Variants in ADGRA2 observed in about 807,000 individuals in gnomAD.
The protein encoded by ADGRA2 is G-protein coupled receptor 124.
A neutral mutation model predicts 98.7 loss-of-function variants in ADGRA2; 61 were observed. The ratio of observed to expected loss-of-function variants is 0.62; its 90% CI spans 0.50 to 0.76. The LOEUF is 0.76. ADGRA2 is among the 30% of genes least tolerant of loss of function. The pLI is 0.00. For synonymous variants in ADGRA2, 858 were observed against 831.5 expected (o/e 1.03, Z -0.55); for missense variants, 1,712 against 1,860.0 (o/e 0.92, Z 1.46).
At position 37,842,389 on chromosome 8, in the gene ADGRA2, AC is replaced by A. The variant is rs2130073762; in HGVS notation, c.*35del. 7.0e-7 allele frequency: 1 copy of A among 1,438,334 alleles called. No individual in the cohort carries two copies. Among genetic ancestry groups the A allele is most frequent in the African/African-American group, 1.5e-5 (1 of 67,224 alleles). The allele number at this position is 1,438,334 out of a possible 1,614,324, so 89.1% of individuals were successfully genotyped here. On this transcript the variant is annotated 3_prime_UTR_variant, in exon 19 of 19. Coordinates refer to ENST00000412232, the MANE Select transcript of ADGRA2 (RefSeq NM_032777.10). ...GGGCGACGCGGTAGACGGGCTGGCC[AC>A]GCGGCTCGTTCCCCCGCTCCTCGGG...
intron 1 of ADGRA2, among the ~76,000 whole-genome samples, chr8:37,801,419 AG>A (rs1804500576): frequency 6.6e-6 from 1 of 152,168 alleles, no homozygotes; most frequent in Non-Finnish European, 1.5e-5. Flanking sequence ...GGCTTATGAC[AG>A]GGAGAACCTG....
At chr8:37,816,403 G>A (rs1312540487) in intron 2 of ADGRA2, among the ~76,000 whole-genome samples, 1 of 152,114 alleles carries the variant, frequency 6.6e-6, no homozygotes, top group Non-Finnish European at 1.5e-5. Flanking sequence ...GACTAACCTG[G>A]CCAACATGGT....
intron 1 of ADGRA2, among the ~76,000 whole-genome samples, chr8:37,809,605 C>A (rs1804769428): frequency 3.3e-5 from 5 of 152,200 alleles, no homozygotes; most frequent in Admixed American, 2.6e-4. Flanking sequence ...GATGAAAAGG[C>A]CTTTGCCTGG....
chr8:37,821,054 C>A (rs78661008), intron 2 of ADGRA2, among the ~76,000 whole-genome samples: 2,826 of 152,234 alleles, frequency 0.019, 88 homozygotes, highest in African/African-American at 0.064. Flanking sequence ...CCACCTTGCA[C>A]GTCTGTGCCC....
In ADGRA2 at chr8:37,839,843, A is replaced by G. The variant is rs116961535; in HGVS notation, c.2511+221A>G. Among the ~76,000 whole-genome samples, 268 of 152,234 alleles carry G rather than the reference A, an allele frequency of 1.8e-3. 6 individuals carry two copies. The East Asian group carries it at 0.023, about 13-fold the overall frequency. On this transcript the variant is annotated intron_variant, in intron 16 of 18. Coordinates refer to ENST00000412232, the MANE Select transcript of ADGRA2 (RefSeq NM_032777.10). ...AGAGAGAATGGGAGATGGGCTTCAA[A>G]GTGGAAATGGAGACGTGCAGTGGTG...
At chr8:37,813,294 A>G (rs1020483606) in intron 1 of ADGRA2, among the ~76,000 whole-genome samples, 2 of 152,176 alleles carry the variant, frequency 1.3e-5, no homozygotes, top group African/African-American at 4.8e-5. Flanking sequence ...CAGGCCCACC[A>G]GGGCCTGATG....
At chr8:37,819,830 C>G (rs1382141612) in intron 2 of ADGRA2, among the ~76,000 whole-genome samples, 1 of 152,112 alleles carries the variant, frequency 6.6e-6, no homozygotes, top group African/African-American at 2.4e-5. Context: ...GCCACCACAC[C>G]TGGCTAATTT....
At position 37,844,576 on chromosome 8, in the gene ADGRA2, A is replaced by T. The variant is rs140270719; in HGVS notation, c.*2221A>T. 1 of 1,613,876 alleles carries T rather than the reference A, an allele frequency of 6.2e-7. No homozygotes were observed. Among genetic ancestry groups the T allele is most frequent in the Non-Finnish European group, 8.5e-7 (1 of 1,180,002 alleles). On this transcript the variant is annotated 3_prime_UTR_variant, in exon 19 of 19. Transcript: ENST00000412232. ...CTAACTTCCTGAGGGGTACGCAAAT[A>T]CTGTTCTATTTCACTATCAGAAATG...
Position 37,841,177 on chromosome 8 carries a change from G to T in ADGRA2, c.2839G>T (p.Gly947Trp). The T allele has an allele frequency of 1.2e-6, 2 of 1,613,112 alleles. No homozygotes were observed. The highest frequency in any genetic ancestry group is 8.5e-7 in the Non-Finnish European group (1 of 1,180,018). ...LITWIYFLCA[G>W]LRLRGPLAQN... The stretch of plus-strand genomic sequence containing the variant: ...CACCTGGATCTATTTCCTGTGCGCC[G>T]GGCTACGCTTACGGGGTCCTCTGGC... Residue 947 changes from glycine (G) to tryptophan (W), a missense_variant, in exon 19 of 19, where the codon GGG becomes TGG. Transcript: ENST00000412232. The surrounding 1 kb of genome is among the most constrained non-coding windows in gnomAD (Gnocchi z 5.0).
In ADGRA2 at chr8:37,799,104, C is replaced by T. The variant is rs185265375; in HGVS notation, c.266+1570C>T. On this transcript the variant is annotated intron_variant, in intron 1 of 18. Coordinates refer to ENST00000412232, the MANE Select transcript of ADGRA2 (RefSeq NM_032777.10). ...AAGAATTCAGAGCTGAGGCCGGGTGCGGTGGCTCAGGCCTGTAATCCCAGC... is the reference window on the plus strand; with the variant it reads ...AAGAATTCAGAGCTGAGGCCGGGTGTGGTGGCTCAGGCCTGTAATCCCAGC... Among the ~76,000 whole-genome samples the T allele has an allele frequency of 2.4e-3, 359 of 152,250 alleles. 2 individuals carry two copies. Among genetic ancestry groups the T allele is most frequent in the Non-Finnish European group, 3.9e-3 (264 of 68,010 alleles).
rs543504978 is a variant in ADGRA2, at chr8:37,836,554, C to T, written c.2050+784C>T. On this transcript the variant is annotated intron_variant, in intron 13 of 18. Transcript: ENST00000412232. ...CCCTTTTGTCGTTCCATCTCTCCCC[C>T]GGGACCAGCGACCCCACACCTGCCT... Among the ~76,000 whole-genome samples the T allele has an allele frequency of 3.3e-5, 5 of 152,234 alleles. No individual in the cohort carries two copies. In the East Asian group the frequency reaches 7.7e-4, roughly 24 times the overall value.
rs771131105 is a variant in ADGRA2, at chr8:37,829,470, GT to G, written c.483-17del. ...GACACCCTAAGACCCCATCTCAGTT[GT>G]CCCCTGTTCCCTGCAGAAACATATC... On this transcript the variant is annotated splice_polypyrimidine_tract_variant and intron_variant, in intron 4 of 18. Coordinates refer to ENST00000412232, the MANE Select transcript of ADGRA2 (RefSeq NM_032777.10). 2.2e-5 allele frequency: 35 copies of G among 1,608,190 alleles called. No homozygotes were observed. Among genetic ancestry groups the G allele is most frequent in the Admixed American group, 1.8e-4 (11 of 59,996 alleles).
Position 37,833,967 on chromosome 8 carries a change from C to A in ADGRA2, c.1447C>A (p.Leu483Met). ...CTCAGCAACTTCCCTGTCCCCCCAG[C>A]TGGTAGAGGTGATGGTGGACATGGC... ...FLGYVDQIKELVEVMVDMASN... is the reference protein window; with the variant it reads ...FLGYVDQIKEMVEVMVDMASN... Residue 483 changes from leucine (L) to methionine (M), a missense_variant and splice_region_variant, in exon 11 of 19, where the codon CTG (leucine) becomes ATG (methionine). Physicochemically the swap from Leu to Met is conservative, Grantham distance 15. Coordinates refer to ENST00000412232, the MANE Select transcript of ADGRA2 (RefSeq NM_032777.10). 1 of 1,611,078 alleles carries A rather than the reference C, an allele frequency of 6.2e-7. No individual in the cohort carries two copies. The highest frequency in any genetic ancestry group is 8.5e-7 in the Non-Finnish European group (1 of 1,178,170).
chr8:37,821,059 G>A (rs572739031), intron 2 of ADGRA2, among the ~76,000 whole-genome samples: 1 of 152,250 alleles, frequency 6.6e-6, no homozygotes, highest in African/African-American at 2.4e-5. Context: ...TTGCACGTCT[G>A]TGCCCTCTCT....
At chr8:37,810,165 A>G (rs1804784005) in intron 1 of ADGRA2, among the ~76,000 whole-genome samples, 2 of 151,786 alleles carry the variant, frequency 1.3e-5, no homozygotes, top group Non-Finnish European at 2.9e-5. Context: ...GTTAGATCAT[A>G]TATATATAAA....
In ADGRA2 at chr8:37,841,448, C is replaced by A; in HGVS notation, c.3110C>A (p.Ala1037Asp). The part of the protein sequence containing the change: ...FLYLAMWACG[A>D]LAVSQRWLPR... ...TACTTGGCCATGTGGGCCTGCGGGG[C>A]TCTGGCAGTGTCCCAGCGCTGGCTG... The change falls in exon 19 of 19, where the codon GCT becomes GAT. Residue 1037 changes from alanine (A) to aspartate (D), a missense_variant. By Grantham distance (126) the Ala-to-Asp change is moderately radical. Transcript: ENST00000412232. The surrounding 1 kb of genome is among the most constrained non-coding windows in gnomAD (Gnocchi z 5.0). 2.5e-6 allele frequency: 4 copies of A among 1,612,972 alleles called. No homozygotes were observed. The highest frequency in any genetic ancestry group is 3.4e-6 in the Non-Finnish European group (4 of 1,179,844).
At chr8:37,808,092 TGGGACCCCAGCC>T (rs1804728438) in intron 1 of ADGRA2, among the ~76,000 whole-genome samples, 1 of 152,082 alleles carries the variant, frequency 6.6e-6, no homozygotes, top group South Asian at 2.1e-4. Context: ...TCCCACAAAA[TGGGACCCCAGCC>T]GGGAGAGAGT....
chr8:37,800,547 G>A (rs1359496700), intron 1 of ADGRA2, among the ~76,000 whole-genome samples: 1 of 152,194 alleles, frequency 6.6e-6, no homozygotes, highest in Non-Finnish European at 1.5e-5. Flanking sequence ...GAATTCCAGG[G>A]AGAGTGCCCC....
rs1805430391 is a variant in ADGRA2 at position 37,830,763 on chromosome 8, G to T, written c.772G>T (p.Val258Leu). 2 of 1,604,108 alleles carry T rather than the reference G, an allele frequency of 1.2e-6. No individual in the cohort carries two copies. Among genetic ancestry groups the T allele is most frequent in the Non-Finnish European group, 1.7e-6 (2 of 1,175,656 alleles). The change falls in exon 7 of 19, where the codon GTG becomes TTG. Residue 258 changes from valine (V) to leucine (L), a missense_variant. By Grantham distance (32) the Val-to-Leu change is conservative. Transcript: ENST00000412232. This position sits in a 1 kb window ranked among gnomAD's most constrained non-coding sequence, Gnocchi z 4.8. ...HHLIPSLRQV[V>L]FQGDRLPFQC... is the part of the protein sequence containing the mutation. ...CCTCATCCCGTCCCTACGCCAAGTGGTGTTCCAGGGGGATCGGCTGCCCTT... is the reference window on the plus strand; with the variant it reads ...CCTCATCCCGTCCCTACGCCAAGTGTTGTTCCAGGGGGATCGGCTGCCCTT...
Sources: gnomAD v4.1 joint callset for allele counts (sites outside exome capture counted in the v4.1 genomes callset) on GRCh38, gnomAD v4.1.1 for gene constraint, Gnocchi (gnomAD v3.1) non-coding constraint, MANE v1.5 for transcripts, NCBI Gene and HGNC (gene_info 2026-07-23, HGNC 2026-07-21) for gene names.